SMYD5: variants seen among roughly 807,000 people sequenced by gnomAD.
SMYD5 encodes the protein SMYD family member 5.
A neutral mutation model predicts 57.4 loss-of-function variants in SMYD5; 35 were observed. The ratio of observed to expected loss-of-function variants is 0.61; its 90% CI spans 0.47 to 0.81. SMYD5 has a LOEUF of 0.81. SMYD5 is among the 30% of genes least tolerant of loss of function. The pLI is 0.00. For missense variants in SMYD5, 471 were observed against 527.9 expected, an observed-to-expected ratio of 0.89 and a Z score of 1.06; for synonymous variants, 198 against 189.7, an observed-to-expected ratio of 1.04 and a Z score of -0.36.
chr2:73,221,290 T>G (rs1419064165), intron 5 of SMYD5, 56 bp downstream of exon 5: 2 of 1,433,240 alleles, frequency 1.4e-6, no homozygotes, highest in Non-Finnish European at 2.0e-6. Context: ...CAACCCTTGG[T>G]CTCAGTCTTT....
rs767636363 is a variant in SMYD5 at position 73,214,295 on chromosome 2, C to T, written c.29C>T (p.Ser10Phe). Reference protein sequence around the residue: MAASMCDVFSFCVGVAGRAR... With the variant: MAASMCDVFFFCVGVAGRAR... Reference sequence around the variant, plus strand: ...GCGGCCTCCATGTGCGACGTGTTCTCCTTCTGCGTGGGCGTGGCGGGCCGC... The same window carrying T: ...GCGGCCTCCATGTGCGACGTGTTCTTCTTCTGCGTGGGCGTGGCGGGCCGC... Residue 10 changes from serine to phenylalanine, a missense_variant, in exon 1 of 13, where the codon TCC becomes TTC. Coordinates refer to ENST00000389501, the MANE Select transcript of SMYD5 (RefSeq NM_006062.3). 1.2e-6 allele frequency: 2 copies of T among 1,613,924 alleles called. No individual in the cohort carries two copies. The highest frequency in any genetic ancestry group is 1.3e-5 in the African/African-American group (1 of 75,036).
rs752797984 is a variant in SMYD5, at chr2:73,214,245, A to G, written c.-22A>G. The stretch of plus-strand genomic sequence containing the variant: ...TCAGGTCGAGGCGGGGTTAAGGGTC[A>G]TAAGGCGGAGGCGCGCCCAAGATGG... On this transcript the variant is annotated 5_prime_UTR_variant, in exon 1 of 13. Transcript: ENST00000389501. 5 of 1,612,856 alleles carry G rather than the reference A, an allele frequency of 3.1e-6. No individual in the cohort carries two copies. The South Asian group carries it at 4.4e-5, about 14-fold the overall frequency.
At chr2:73,214,457 T>C (rs1686253167) in intron 1 of SMYD5, 95 bp downstream of exon 1, 8 of 1,588,456 alleles carry the variant, frequency 5.0e-6, no homozygotes, top group Non-Finnish European at 5.1e-6. Flanking sequence ...GAGGCTTCTG[T>C]GCCGCTCGGA....
At chr2:73,217,649 T>C (rs1686314335) in intron 1 of SMYD5, among the ~76,000 whole-genome samples, 1 of 152,114 alleles carries the variant, frequency 6.6e-6, no homozygotes, top group Admixed American at 6.6e-5. Context: ...AGGGTTGAGA[T>C]TTTTCGCTCT....
chr2:73,225,322 T>C (rs910647972), intron 11 of SMYD5: 1 of 508,128 alleles, frequency 2.0e-6, no homozygotes, highest in South Asian at 2.7e-5. Flanking sequence ...TTGAATCTTC[T>C]TGAGGGCAAG....
rs928562259 is a variant in SMYD5 at position 73,221,086 on chromosome 2, G to A, written c.468-79G>A. On this transcript the variant is annotated intron_variant, in intron 4 of 12. Transcript: ENST00000389501. The stretch of plus-strand genomic sequence containing the variant: ...ATGGAATTGGTAGGAAGTTTTCTCT[G>A]TACCAGTCAGACTCGGCTTCCCTGA... 43 of 1,285,688 alleles carry A rather than the reference G, an allele frequency of 3.3e-5. No homozygotes were observed. The Admixed American group carries it at 6.8e-4, about 20-fold the overall frequency. 79.6% of individuals were successfully genotyped at this position (1,285,688 alleles called of 1,614,324 possible).
Position 73,214,336 on chromosome 2 carries a change from G to C in SMYD5, c.70G>C (p.Glu24Gln), listed in dbSNP as rs775974054. The change falls in exon 1 of 13, where the codon GAA (glutamate) becomes CAA (glutamine). Residue 24 changes from glutamate to glutamine, a missense_variant. Transcript: ENST00000389501. ...GVAGRARVSV[E>Q]VRFVSSAKGK... is the part of the protein sequence containing the mutation. ...GGCGGGCCGCGCGCGGGTCTCCGTG[G>C]AAGTCCGTTTCGTGAGCAGCGCCAA... 6.2e-7 allele frequency: 1 copy of C among 1,613,488 alleles called. No individual in the cohort carries two copies. The highest frequency in any genetic ancestry group is 1.1e-5 in the South Asian group (1 of 91,076).
In SMYD5 at chr2:73,226,283, A is replaced by G; in HGVS notation, c.*337A>G. 1 of 295,722 alleles carries G rather than the reference A, an allele frequency of 3.4e-6. No homozygotes were observed. The highest frequency in any genetic ancestry group is 6.3e-6 in the Non-Finnish European group (1 of 158,812). The allele number at this position is 295,722 out of a possible 1,614,324, so 18.3% of individuals were successfully genotyped here. On this transcript the variant is annotated 3_prime_UTR_variant, in exon 13 of 13. Transcript: ENST00000389501. Reference sequence around the variant, plus strand: ...TCTTCCCCTCGGCCCCACGGCCCATACTCACCCCTTCACCTGAGGCTTCTC... The same window carrying G: ...TCTTCCCCTCGGCCCCACGGCCCATGCTCACCCCTTCACCTGAGGCTTCTC...
At position 73,225,814 on chromosome 2, in the gene SMYD5, C is replaced by G; in HGVS notation, c.1125C>G (p.Val375=). ...GCTGCAGGGAGAACTATCTATTTGT[C>G]TGTTCCTGTCCCAAATGCCTGGCAG... ...HKILRENYLF[V]CSCPKCLAEA... Residue 375 remains valine, a synonymous_variant, in exon 13 of 13, where the codon GTC becomes GTG. Coordinates refer to ENST00000389501, the MANE Select transcript of SMYD5 (RefSeq NM_006062.3). The G allele has an allele frequency of 1.9e-6, 3 of 1,614,172 alleles. No homozygotes were observed. The highest frequency in any genetic ancestry group is 2.5e-6 in the Non-Finnish European group (3 of 1,180,016).
intron 10 of SMYD5, among the ~76,000 whole-genome samples, chr2:73,224,513 G>A (rs943351886): frequency 6.6e-6 from 1 of 152,152 alleles, no homozygotes; most frequent in Admixed American, 6.5e-5. Context: ...ATTCTCAGAG[G>A]GCCTGTGTCA....
chr2:73,224,292 G>A (rs1558553411), intron 10 of SMYD5, among the ~76,000 whole-genome samples: 3 of 152,214 alleles, frequency 2.0e-5, no homozygotes, highest in East Asian at 1.9e-4. Flanking sequence ...TTCTTGCAAA[G>A]GGATGCATGG....
chr2:73,225,367 G>A (rs1383816702), intron 11 of SMYD5: 1 of 567,492 alleles, frequency 1.8e-6, no homozygotes, highest in African/African-American at 1.9e-5. Context: ...CCCAGCTGCA[G>A]ACCTTGGCCA....
At chr2:73,222,938 G>C in intron 7 of SMYD5, 98 bp from the exon 8 acceptor site, 1 of 1,488,002 alleles carries the variant, frequency 6.7e-7, no homozygotes. Context: ...CTGGAGTTCA[G>C]ATGAGCCTGA....
Position 73,222,773 on chromosome 2 carries a change from C to G in SMYD5, c.661C>G (p.Arg221Gly). 1.2e-6 allele frequency: 2 copies of G among 1,613,030 alleles called. No individual in the cohort carries two copies. Among genetic ancestry groups the G allele is most frequent in the South Asian group, 2.2e-5 (2 of 90,772 alleles). ...DKFKGQLELL[R>G]RLFTEALYEE... ...AATCCAGGGCCAACTGGAACTTCTG[C>G]GGAGACTCTTCACAGAGGCCCTCTA... The change falls in exon 7 of 13, where the codon CGG becomes GGG. Residue 221 changes from arginine to glycine, a missense_variant. Transcript: ENST00000389501.
chr2:73,220,311 A>G lies in SMYD5; in HGVS notation c.345+121A>G, dbSNP rs1686360759. 36 of 1,078,462 alleles carry G rather than the reference A, an allele frequency of 3.3e-5. No individual in the cohort carries two copies. In the South Asian group the frequency reaches 5.1e-4, roughly 15 times the overall value. The allele number at this position is 1,078,462 out of a possible 1,614,324, so 66.8% of individuals were successfully genotyped here. A position where few individuals can be genotyped will look rare whatever the true frequency, so the allele number is the denominator to read the frequency against. On this transcript the variant is annotated intron_variant, in intron 3 of 12. Coordinates refer to ENST00000389501, the MANE Select transcript of SMYD5 (RefSeq NM_006062.3). The stretch of plus-strand genomic sequence containing the variant: ...TCATGGCCCTTGAAAACTACAATGT[A>G]GGATAAGATGTTGAAAAGGCTTGGT...
chr2:73,220,244 C>T (rs1439712984), intron 3 of SMYD5, 54 bp downstream of exon 3: 4 of 1,596,300 alleles, frequency 2.5e-6, no homozygotes, highest in Non-Finnish European at 2.6e-6. Context: ...GAGGCCTTAG[C>T]TGGAGTCCTC....
In SMYD5 at chr2:73,226,095, G is replaced by C. The variant is rs1369249666; in HGVS notation, c.*149G>C. 56 of 1,144,772 alleles carry C rather than the reference G, an allele frequency of 4.9e-5. No individual in the cohort carries two copies. Among genetic ancestry groups the C allele is most frequent in the Non-Finnish European group, 6.2e-5 (52 of 832,260 alleles). 70.9% of individuals were successfully genotyped at this position (1,144,772 alleles called of 1,614,324 possible). A position where few individuals can be genotyped will look rare whatever the true frequency, so the allele number is the denominator to read the frequency against. ...CTGCTAGAGGGTAGGAGAGAGCCTG[G>C]ATCTCTGGCCCCAACCCCCACCAGA... is the stretch of plus-strand genomic sequence containing the variant. On this transcript the variant is annotated 3_prime_UTR_variant, in exon 13 of 13. Coordinates refer to ENST00000389501, the MANE Select transcript of SMYD5 (RefSeq NM_006062.3).
At position 73,222,808 on chromosome 2, in the gene SMYD5, A is replaced by C; in HGVS notation, c.696A>C (p.Ala232=). ...RLFTEALYEE[A]VSQWFTPDGF... is the part of the protein sequence containing the mutation. ...TCACAGAGGCCCTCTATGAGGAAGC[A>C]GTCAGCCAGGTGAGTGAGGAGAGGG... Residue 232 remains alanine (A), a synonymous_variant, in exon 7 of 13, where the codon GCA becomes GCC. Coordinates refer to ENST00000389501, the MANE Select transcript of SMYD5 (RefSeq NM_006062.3). The C allele has an allele frequency of 6.2e-7, 1 of 1,613,996 alleles. No homozygotes were observed. The highest frequency in any genetic ancestry group is 1.6e-4 in the Middle Eastern group (1 of 6,062).
chr2:73,214,575 G>C (rs1686256640), intron 1 of SMYD5: 1 of 1,495,860 alleles, frequency 6.7e-7, no homozygotes, highest in Non-Finnish European at 8.9e-7. Context: ...GTCTCCGTGC[G>C]CATTTCCTCC....
Sources: allele counts gnomAD v4.1 joint callset (sites outside exome capture counted in the v4.1 genomes callset), GRCh38; gene constraint gnomAD v4.1.1; transcripts MANE v1.5; gene names NCBI Gene and HGNC (gene_info 2026-07-23, HGNC 2026-07-21).